Variants in IFNAR2 observed in about 807,000 individuals in gnomAD.
The protein encoded by IFNAR2 is interferon alpha/beta receptor 2.
IFNAR2 carries 30 observed loss-of-function variants against 49.4 expected under a neutral mutation model. That is an observed-to-expected ratio of 0.61 (90% CI 0.45 to 0.82). The LOEUF is 0.82. Ranked by LOEUF, IFNAR2 falls within the 40% of genes least tolerant of loss-of-function variation. IFNAR2 has a pLI of 0.00. For missense variants in IFNAR2, 600 were observed against 622.7 expected, an observed-to-expected ratio of 0.96 and a Z score of 0.39; for synonymous variants, 224 against 234.5, an observed-to-expected ratio of 0.96 and a Z score of 0.41.
chr21:33,232,951 A>G (rs1407547048), intron 1 of IFNAR2: 2 of 983,944 alleles, frequency 2.0e-6, no homozygotes, highest in Non-Finnish European at 2.4e-6. Flanking sequence ...GAAAGGAAAG[A>G]ACAACGTGGA....
At position 33,241,968 on chromosome 21, in the gene IFNAR2, G is replaced by T. The variant is rs1040634145; in HGVS notation, c.46G>T (p.Val16Phe). ...NAFIFRSLNL[V>F]LMVYISLVFG... ...CTTCATCTTCAGATCACTTAATTTG[G>T]TTCTCATGGGTAAGTGCTGCTTTTT... The change falls in exon 2 of 9, where the codon GTT becomes TTT. Residue 16 changes from valine to phenylalanine, a missense_variant. By Grantham distance (50) the Val-to-Phe change is conservative. Coordinates refer to ENST00000342136, the MANE Select transcript of IFNAR2 (RefSeq NM_001289125.3). 4 of 1,612,502 alleles carry T rather than the reference G, an allele frequency of 2.5e-6. No individual in the cohort carries two copies. The highest frequency in any genetic ancestry group is 3.4e-6 in the Non-Finnish European group (4 of 1,179,416).
intron 6 of IFNAR2, among the ~76,000 whole-genome samples, chr21:33,250,108 A>C (rs572570120): frequency 6.6e-6 from 1 of 152,326 alleles, no homozygotes; most frequent in South Asian, 2.1e-4. Context: ...CAGTCACTTA[A>C]GAGGCAGTAA....
intron 6 of IFNAR2, among the ~76,000 whole-genome samples, chr21:33,249,338 C>G (rs1346843247): frequency 1.0e-5 from 1 of 98,994 alleles, no homozygotes; most frequent in African/African-American, 4.3e-5. Context: ...AGCAAGACTC[C>G]GTCTCAAAAA....
Position 33,262,503 on chromosome 21 carries a change from C to T in IFNAR2, c.841-290C>T, listed in dbSNP as rs6517157. ...AACTGTTAGCTGTTATTATTGCTGT[C>T]ATCATCATCAACTGCATCATCATTC... is the stretch of plus-strand genomic sequence containing the variant. On this transcript the variant is annotated intron_variant, in intron 8 of 8. Coordinates refer to ENST00000342136, the MANE Select transcript of IFNAR2 (RefSeq NM_001289125.3). 0.92 allele frequency: 622,843 copies of T among 676,124 alleles called. 287,164 individuals are homozygous for T. Among genetic ancestry groups the T allele is most frequent in the Admixed American group, 0.95 (46,145 of 48,418 alleles). 41.9% of individuals were successfully genotyped at this position (676,124 alleles called of 1,614,324 possible). A position where few individuals can be genotyped will look rare whatever the true frequency, so the allele number is the denominator to read the frequency against.
intron 8 of IFNAR2, among the ~76,000 whole-genome samples, chr21:33,261,798 C>T (rs1186763966): frequency 6.6e-6 from 1 of 152,128 alleles, no homozygotes; most frequent in Admixed American, 6.5e-5. Flanking sequence ...ATTGCTTGAG[C>T]CCAGGAGGTG....
At chr21:33,238,252 C>T (rs973108129) in intron 1 of IFNAR2, among the ~76,000 whole-genome samples, 1 of 152,160 alleles carries the variant, frequency 6.6e-6, no homozygotes, top group Non-Finnish European at 1.5e-5. Flanking sequence ...TACTGACCTG[C>T]CCATTGCTCC....
intron 1 of IFNAR2, chr21:33,236,763 A>G: frequency 1.0e-6 from 1 of 984,942 alleles, no homozygotes; most frequent in Non-Finnish European, 1.2e-6. Flanking sequence ...ACTCACATTG[A>G]AAGATAAAAT....
intron 2 of IFNAR2, 58 bp downstream of exon 2, chr21:33,242,035 T>C: frequency 6.5e-7 from 1 of 1,530,296 alleles, no homozygotes; most frequent in African/African-American, 1.4e-5. Flanking sequence ...CCATCCTCAC[T>C]GAGAGCACTG....
intron 8 of IFNAR2, chr21:33,262,476 G>A (rs1988670402): frequency 3.1e-6 from 2 of 648,496 alleles, no homozygotes; most frequent in East Asian, 2.7e-5. Context: ...TAAGCATGGT[G>A]TAACTGTTAG....
At chr21:33,236,930 C>A (rs539307540) in intron 1 of IFNAR2, 1 of 967,652 alleles carries the variant, frequency 1.0e-6, no homozygotes, top group Admixed American at 6.2e-5. Context: ...TAAGGAGCTC[C>A]ATTAACAATT....
chr21:33,252,784 A>G lies in IFNAR2; in HGVS notation c.663A>G (p.Ile221Met). Residue 221 changes from isoleucine (I) to methionine (M), a missense_variant, in exon 7 of 9, where the codon ATA becomes ATG. Ile to Met is a conservative substitution (Grantham distance 10). Transcript: ENST00000342136. ...AGCACAGTGATGAGCAAGCAGTAAT[A>G]AAGTCTCCCTTAAAATGCACCCTCC... ...YLEHSDEQAV[I>M]KSPLKCTLLP... 6.2e-7 allele frequency: 1 copy of G among 1,614,042 alleles called. No individual in the cohort carries two copies. Among genetic ancestry groups the G allele is most frequent in the East Asian group, 2.2e-5 (1 of 44,874 alleles).
Position 33,248,866 on chromosome 21 carries a change from C to T in IFNAR2, c.540+12C>T, listed in dbSNP as rs919494791. On this transcript the variant is annotated intron_variant, in intron 6 of 8. Transcript: ENST00000342136. ...GAATTGTTAAGAAGGTAAGTGGCTT[C>T]TCCTGTTAGGATCAAAACAGTTCTG... 6 of 1,580,432 alleles carry T rather than the reference C, an allele frequency of 3.8e-6. No homozygotes were observed. The highest frequency in any genetic ancestry group is 2.3e-5 in the East Asian group (1 of 43,362).
intron 5 of IFNAR2, 62 bp from the exon 6 acceptor site, chr21:33,248,647 G>A: frequency 6.7e-7 from 1 of 1,498,110 alleles, no homozygotes; most frequent in Non-Finnish European, 8.9e-7. Flanking sequence ...AACCACTTTA[G>A]ACTTTGTGGG....
At position 33,233,916 on chromosome 21, in the gene IFNAR2, AAAG is replaced by A. The variant is rs529985470; in HGVS notation, c.-84+3704_-84+3706del. 1.7e-4 allele frequency among the ~76,000 whole-genome samples: 26 copies of A among 152,252 alleles called. 1 individual carries two copies. In the South Asian group the frequency reaches 5.0e-3, roughly 29 times the overall value. On this transcript the variant is annotated intron_variant, in intron 1 of 8. Transcript: ENST00000342136. Reference sequence around the variant, plus strand: ...AGACAAAAATATACAGCCAAAAAAAAAAGAAGTCAGAGAGGAAGATGGAAGGAA... The same window carrying A: ...AGACAAAAATATACAGCCAAAAAAAAAAGTCAGAGAGGAAGATGGAAGGAA...
At chr21:33,245,144 T>TTCTCTCTCTCTG in intron 4 of IFNAR2, 70 bp downstream of exon 4, 3 of 1,150,286 alleles carry the variant, frequency 2.6e-6, no homozygotes, top group Non-Finnish European at 3.9e-6. Context: ...AGGTGATCTT[T>TTCTCTCTCTCTG]TCTCTCTCTC....
chr21:33,241,899 G>T lies in IFNAR2; in HGVS notation c.-24G>T. On this transcript the variant is annotated 5_prime_UTR_variant, in exon 2 of 9. Coordinates refer to ENST00000342136, the MANE Select transcript of IFNAR2 (RefSeq NM_001289125.3). ...TGTTGATTTCAGATGTAAAAGTCAA[G>T]AGAAGACTCTAAAAATAGCAAAGAT... 6.2e-7 allele frequency: 1 copy of T among 1,609,800 alleles called. No homozygotes were observed. The highest frequency in any genetic ancestry group is 8.5e-7 in the Non-Finnish European group (1 of 1,176,686).
chr21:33,249,163 G>A (rs1165021802), intron 6 of IFNAR2, among the ~76,000 whole-genome samples: 1 of 152,060 alleles, frequency 6.6e-6, no homozygotes. Flanking sequence ...GGCCAATATG[G>A]TGAAACCCCA....
Position 33,241,852 on chromosome 21 carries a change from C to T in IFNAR2, c.-71C>T, listed in dbSNP as rs1986951588. 1 of 1,598,826 alleles carries T rather than the reference C, an allele frequency of 6.3e-7. No homozygotes were observed. Among genetic ancestry groups the T allele is most frequent in the Non-Finnish European group, 8.5e-7 (1 of 1,172,422 alleles). The stretch of plus-strand genomic sequence containing the variant: ...TTTATATTTGCAGTTTAATTAGACA[C>T]TTCAGAATTTTGATCACCTAATGTT... On this transcript the variant is annotated 5_prime_UTR_variant, in exon 2 of 9. Coordinates refer to ENST00000342136, the MANE Select transcript of IFNAR2 (RefSeq NM_001289125.3).
At chr21:33,257,473 T>A (rs562046890) in intron 7 of IFNAR2, among the ~76,000 whole-genome samples, 14 of 152,358 alleles carry the variant, frequency 9.2e-5, no homozygotes, top group Admixed American at 9.1e-4. Flanking sequence ...CCGTGTTCGT[T>A]TCTGTCCTAT....
Sources: allele counts gnomAD v4.1 joint callset (sites outside exome capture counted in the v4.1 genomes callset), GRCh38; gene constraint gnomAD v4.1.1; transcripts MANE v1.5; gene names NCBI Gene and HGNC (gene_info 2026-07-23, HGNC 2026-07-21).